The following CSMD1 variants were observed in gnomAD, a reference collection of about 807,000 sequenced individuals.
CSMD1 encodes the protein CUB and Sushi multiple domains 1, also known as CUB and sushi domain-containing protein 1.
A neutral mutation model predicts 417.5 loss-of-function variants in CSMD1; 213 were observed. That is an observed-to-expected ratio of 0.51 (90% CI 0.46 to 0.57). CSMD1 has a LOEUF of 0.57. CSMD1 is among the 20% of genes least tolerant of loss of function. CSMD1 has a pLI of 0.00. For missense variants in CSMD1, 6,923 were observed against 4,529.7 expected (o/e 1.53, Z -15.17); for synonymous variants, 2,862 against 1,736.8 (o/e 1.65, Z -16.11).
chr8:4,776,451 C>G lies in CSMD1; in HGVS notation c.86-138893G>C, dbSNP rs144947217. On this transcript the variant is annotated intron_variant, in intron 1 of 69. Transcript: ENST00000635120. Reference sequence around the variant, plus strand: ...CTTCGGATCCTCATGTTATATTAGGCAGCACTCGGGCTCAGAGAACAAGAA... The same window carrying G: ...CTTCGGATCCTCATGTTATATTAGGGAGCACTCGGGCTCAGAGAACAAGAA... Among the ~76,000 whole-genome samples, 55 of 152,210 alleles carry G rather than the reference C, an allele frequency of 3.6e-4. 1 individual carries two copies. Among genetic ancestry groups the G allele is most frequent in the African/African-American group, 1.0e-3 (42 of 41,542 alleles).
chr8:3,799,315 T>C (rs1161631110), intron 5 of CSMD1, among the ~76,000 whole-genome samples: 3 of 151,792 alleles, frequency 2.0e-5, no homozygotes, highest in Non-Finnish European at 4.4e-5. Flanking sequence ...GTTACATATG[T>C]ACACATGTGC....
intron 3 of CSMD1, among the ~76,000 whole-genome samples, chr8:4,232,112 T>G (rs1801768614): frequency 6.6e-6 from 1 of 152,252 alleles, no homozygotes; most frequent in Admixed American, 6.5e-5. Context: ...CTTCTGATAC[T>G]TTCAAGATTT....
At chr8:4,492,345 T>G (rs1032077168) in intron 2 of CSMD1, among the ~76,000 whole-genome samples, 1 of 152,158 alleles carries the variant, frequency 6.6e-6, no homozygotes. Context: ...GGAGAAAATT[T>G]AAACACATAT....
At chr8:4,231,369 C>A (rs1357933743) in intron 3 of CSMD1, among the ~76,000 whole-genome samples, 2 of 152,126 alleles carry the variant, frequency 1.3e-5, no homozygotes, top group Non-Finnish European at 2.9e-5. Flanking sequence ...GGATAATTTT[C>A]CTCCTCTGAG....
In CSMD1 at chr8:3,546,942, T is replaced by G. The variant is rs143624539; in HGVS notation, c.1344+28003A>C. ...TTAGATGGAGGGAGGATATCAGAGGTCTTGAGCTGTTTTGAAAACCTCCTG... is the reference window on the plus strand; with the variant it reads ...TTAGATGGAGGGAGGATATCAGAGGGCTTGAGCTGTTTTGAAAACCTCCTG... On this transcript the variant is annotated intron_variant, in intron 10 of 69. Coordinates refer to ENST00000635120, the MANE Select transcript of CSMD1 (RefSeq NM_033225.6). Among the ~76,000 whole-genome samples, 1,216 of 152,252 alleles carry G rather than the reference T, an allele frequency of 8.0e-3. 10 individuals carry two copies. Among genetic ancestry groups the G allele is most frequent in the Non-Finnish European group, 9.2e-3 (627 of 68,014 alleles).
At chr8:4,470,360 A>G (rs550625753) in intron 2 of CSMD1, among the ~76,000 whole-genome samples, 5 of 152,202 alleles carry the variant, frequency 3.3e-5, no homozygotes, top group East Asian at 1.9e-4. Context: ...TCAACTCCCA[A>G]TGCTTCCTCT....
intron 2 of CSMD1, among the ~76,000 whole-genome samples, chr8:4,611,705 T>C (rs1252213308): frequency 6.6e-6 from 1 of 152,218 alleles, no homozygotes; most frequent in East Asian, 1.9e-4. Context: ...CTAAAGATGT[T>C]GTATTTTCAA....
intron 49 of CSMD1, among the ~76,000 whole-genome samples, chr8:3,082,796 T>G (rs532141736): frequency 9.1e-4 from 138 of 152,314 alleles, no homozygotes; most frequent in African/African-American, 3.1e-3. Context: ...AACATAGCCC[T>G]TGTATCTACT....
At chr8:3,946,556 T>C (rs1209971168) in intron 5 of CSMD1, among the ~76,000 whole-genome samples, 1 of 152,166 alleles carries the variant, frequency 6.6e-6, no homozygotes, top group East Asian at 1.9e-4. Context: ...TGTCAATTCC[T>C]AAAAACAAAC....
chr8:3,058,878 G>C (rs994599525), intron 49 of CSMD1, among the ~76,000 whole-genome samples: 1 of 152,022 alleles, frequency 6.6e-6, no homozygotes, highest in African/African-American at 2.4e-5. Flanking sequence ...GTACCCTGCA[G>C]GGACCTCCCA....
At chr8:4,283,287 G>A (rs1038485595) in intron 3 of CSMD1, among the ~76,000 whole-genome samples, 2 of 152,246 alleles carry the variant, frequency 1.3e-5, no homozygotes, top group Non-Finnish European at 2.9e-5. Context: ...TTCCATCTGT[G>A]ACATTTGATT....
chr8:3,352,851 C>G (rs1035772477), intron 21 of CSMD1, among the ~76,000 whole-genome samples: 27 of 152,042 alleles, frequency 1.8e-4, no homozygotes, highest in Admixed American at 5.2e-4. Context: ...AAAAAACAAA[C>G]AAACAAAGAA....
intron 2 of CSMD1, among the ~76,000 whole-genome samples, chr8:4,544,698 G>A (rs1022756284): frequency 6.6e-6 from 1 of 152,174 alleles, no homozygotes; most frequent in Non-Finnish European, 1.5e-5. Flanking sequence ...GTATTACAAT[G>A]TATCCTTGAA....
rs377719634 is a variant in CSMD1, at chr8:3,586,221, G to A, written c.1137C>T (p.Tyr379=). ...ANVQFSCEDN[Y]VLQGSKSITC... Reference sequence around the variant, plus strand: ...TGATGCTTTTAGATCCCTGGAGCACGTAATTGTCCTCACATGAAAACTGTA... The same window carrying A: ...TGATGCTTTTAGATCCCTGGAGCACATAATTGTCCTCACATGAAAACTGTA... The change falls in exon 9 of 70, where the codon TAC becomes TAT. Residue 379 remains tyrosine, a synonymous_variant. Transcript: ENST00000635120. The A allele has an allele frequency of 1.5e-4, 249 of 1,610,808 alleles. No homozygotes were observed. The African/African-American group carries it at 2.2e-3, about 14-fold the overall frequency.
intron 8 of CSMD1, among the ~76,000 whole-genome samples, chr8:3,605,110 T>TCA (rs1563192491): frequency 6.6e-6 from 1 of 152,196 alleles, no homozygotes; most frequent in African/African-American, 2.4e-5. Flanking sequence ...TTCTCCTGCC[T>TCA]CAGCCTCCCG....
intron 23 of CSMD1, among the ~76,000 whole-genome samples, chr8:3,328,959 C>G (rs1806714637): frequency 6.6e-6 from 1 of 151,978 alleles, no homozygotes. Context: ...CTATTACATC[C>G]CAGAATTCCA....
At chr8:4,234,339 G>C (rs1485910758) in intron 3 of CSMD1, among the ~76,000 whole-genome samples, 1 of 152,116 alleles carries the variant, frequency 6.6e-6, no homozygotes, top group East Asian at 1.9e-4. Flanking sequence ...AATGGGCCGA[G>C]GCTCCTGAAG....
Position 4,582,948 on chromosome 8 carries a change from A to G in CSMD1, c.302+54394T>C, listed in dbSNP as rs1799496785. ...CAGCTGGCCGGCCCTGCCGGCCCTG[A>G]GCAATGAGGGACATAGCACCCGGGC... On this transcript the variant is annotated intron_variant, in intron 2 of 69. Coordinates refer to ENST00000635120, the MANE Select transcript of CSMD1 (RefSeq NM_033225.6). 2.0e-5 allele frequency among the ~76,000 whole-genome samples: 3 copies of G among 152,154 alleles called. No homozygotes were observed. In the South Asian group the frequency reaches 6.2e-4, roughly 31 times the overall value.
At chr8:4,911,760 G>C (rs943378950) in intron 1 of CSMD1, among the ~76,000 whole-genome samples, 8 of 151,888 alleles carry the variant, frequency 5.3e-5, no homozygotes, top group Admixed American at 5.2e-4. Flanking sequence ...GTTTCTTCTT[G>C]GGCTTCCAAC....
Sources: allele counts gnomAD v4.1 joint callset (sites outside exome capture counted in the v4.1 genomes callset), GRCh38; gene constraint gnomAD v4.1.1; transcripts MANE v1.5; gene names NCBI Gene and HGNC (gene_info 2026-07-23, HGNC 2026-07-21).